Variants in GRIK1 observed in about 807,000 individuals in gnomAD.
GRIK1 encodes glutamate ionotropic receptor kainate type subunit 1.
Under a neutral mutation model 105.7 loss-of-function variants are expected in GRIK1, and 69 were observed. The ratio of observed to expected loss-of-function variants is 0.65; its 90% CI spans 0.54 to 0.80. The LOEUF (loss-of-function observed/expected upper bound fraction) is 0.80, where lower values mean the gene tolerates loss of function less well. GRIK1 is among the 30% of genes least tolerant of loss of function. GRIK1 has a pLI of 0.00. For missense variants in GRIK1, 1,109 were observed against 1,167.3 expected, an observed-to-expected ratio of 0.95 and a Z score of 0.73; for synonymous variants, 438 against 431.3, an observed-to-expected ratio of 1.02 and a Z score of -0.19.
intron 7 of GRIK1, among the ~76,000 whole-genome samples, chr21:29,630,271 G>A (rs1208165514): frequency 6.6e-6 from 1 of 152,198 alleles, no homozygotes; most frequent in African/African-American, 2.4e-5. Context: ...GTGGTAGGCA[G>A]AATTCTGAGA....
chr21:29,749,723 G>T (rs577645764), intron 1 of GRIK1, among the ~76,000 whole-genome samples: 78 of 152,286 alleles, frequency 5.1e-4, no homozygotes, highest in African/African-American at 1.9e-3. Flanking sequence ...ATATATGGGG[G>T]TGGGAAGGAT....
intron 16 of GRIK1, among the ~76,000 whole-genome samples, chr21:29,548,119 A>G (rs2090075489): frequency 6.6e-6 from 1 of 152,222 alleles, no homozygotes; most frequent in Admixed American, 6.5e-5. Flanking sequence ...CAGTAACTTT[A>G]TTCCATCATC....
At chr21:29,916,400 T>A (rs1377052780) in intron 1 of GRIK1, among the ~76,000 whole-genome samples, 1 of 151,940 alleles carries the variant, frequency 6.6e-6, no homozygotes, top group African/African-American at 2.4e-5. Context: ...AAAAAAAATT[T>A]AAGAAGCAGC....
intron 1 of GRIK1, among the ~76,000 whole-genome samples, chr21:29,927,092 C>T (rs2071394197): frequency 6.6e-6 from 1 of 152,106 alleles, no homozygotes; most frequent in East Asian, 1.9e-4. Context: ...TCTGTGTGGG[C>T]CTGATGCCTC....
At chr21:29,833,452 G>A (rs2067697787) in intron 1 of GRIK1, among the ~76,000 whole-genome samples, 1 of 152,110 alleles carries the variant, frequency 6.6e-6, no homozygotes, top group Non-Finnish European at 1.5e-5. Flanking sequence ...AAGAAAAGAG[G>A]TTTAACTGAC....
rs549530974 is a variant in GRIK1 at position 29,788,954 on chromosome 21, C to T, written c.119-94891G>A. ...AGTTTCACTCACTCACTCACGGCTC[C>T]CCTGCTGGTGTGTGGCCCAGTTCCT... On this transcript the variant is annotated intron_variant, in intron 1 of 17. Coordinates refer to ENST00000327783, the MANE Select transcript of GRIK1 (RefSeq NM_001330994.2). Among the ~76,000 whole-genome samples, 6 of 152,292 alleles carry T rather than the reference C, an allele frequency of 3.9e-5. No homozygotes were observed. The South Asian group carries it at 6.2e-4, about 16-fold the overall frequency.
intron 1 of GRIK1, among the ~76,000 whole-genome samples, chr21:29,703,594 AT>A (rs1291349199): frequency 6.6e-6 from 1 of 152,178 alleles, no homozygotes; most frequent in African/African-American, 2.4e-5. Flanking sequence ...CAGCTTTCGT[AT>A]TTTTGTTTTA....
intron 15 of GRIK1, among the ~76,000 whole-genome samples, chr21:29,560,492 TTTCTTTCCTTCCTTCCTTCC>T (rs1363809489): frequency 2.0e-4 from 9 of 45,980 alleles, no homozygotes; most frequent in South Asian, 8.6e-4. Flanking sequence ...CCTTTCTTTC[TTTCTTTCCTTCCTTCCTTCC>T]TTCCTTCCTT....
chr21:29,891,956 G>C (rs1331361522), intron 1 of GRIK1, among the ~76,000 whole-genome samples: 1 of 152,178 alleles, frequency 6.6e-6, no homozygotes, highest in African/African-American at 2.4e-5. Flanking sequence ...CATATCGTAG[G>C]TACTCAATCT....
chr21:29,831,083 A>C (rs145063861), intron 1 of GRIK1, among the ~76,000 whole-genome samples: 1 of 152,252 alleles, frequency 6.6e-6, no homozygotes, highest in Non-Finnish European at 1.5e-5. Flanking sequence ...TTCTATTACT[A>C]CCATTTATTA....
At chr21:29,914,396 G>A (rs547617923) in intron 1 of GRIK1, among the ~76,000 whole-genome samples, 1 of 152,050 alleles carries the variant, frequency 6.6e-6, no homozygotes, top group East Asian at 1.9e-4. Context: ...GGCACATGAA[G>A]AGAAATTCTT....
chr21:29,754,931 C>A (rs564109480), intron 1 of GRIK1, among the ~76,000 whole-genome samples: 3 of 152,254 alleles, frequency 2.0e-5, no homozygotes, highest in African/African-American at 7.2e-5. Context: ...TAGGCCAATT[C>A]TTTGTACTCT....
At chr21:29,591,715 G>A (rs1340263851) in intron 9 of GRIK1, among the ~76,000 whole-genome samples, 1 of 152,006 alleles carries the variant, frequency 6.6e-6, no homozygotes. Context: ...GAATAATGGG[G>A]TGAAGGGGCA....
At chr21:29,710,669 A>G (rs1271692875) in intron 1 of GRIK1, among the ~76,000 whole-genome samples, 1 of 152,092 alleles carries the variant, frequency 6.6e-6, no homozygotes, top group Non-Finnish European at 1.5e-5. Flanking sequence ...ACTTATTTAA[A>G]TCATATTATA....
rs568867095 is a variant in GRIK1 at position 29,702,492 on chromosome 21, A to T, written c.119-8429T>A. Among the ~76,000 whole-genome samples, 3 of 151,880 alleles carry T rather than the reference A, an allele frequency of 2.0e-5. No homozygotes were observed. The South Asian group carries it at 6.3e-4, about 32-fold the overall frequency. The stretch of plus-strand genomic sequence containing the variant: ...GTAGATTTAAAGAGGCAGATGGGTC[A>T]CTTGAGGTCAGGAGTTTGAGACCAG... On this transcript the variant is annotated intron_variant, in intron 1 of 17. Transcript: ENST00000327783.
At chr21:29,722,555 C>CA (rs2064349231) in intron 1 of GRIK1, among the ~76,000 whole-genome samples, 2 of 116,660 alleles carry the variant, frequency 1.7e-5, no homozygotes, top group African/African-American at 6.5e-5. Flanking sequence ...GACTCTGTCT[C>CA]AAAAAAAAGT....
At chr21:29,669,289 T>C (rs981954893) in intron 4 of GRIK1, among the ~76,000 whole-genome samples, 1 of 152,112 alleles carries the variant, frequency 6.6e-6, no homozygotes, top group East Asian at 1.9e-4. Context: ...TGAAGAATCA[T>C]TAAAAGGTGA....
In GRIK1 at chr21:29,782,455, C is replaced by T. The variant is rs76867891; in HGVS notation, c.119-88392G>A. Among the ~76,000 whole-genome samples the T allele has an allele frequency of 6.4e-4, 97 of 152,172 alleles. 2 individuals carry two copies. The East Asian group carries it at 0.01, about 16-fold the overall frequency. ...GAGAAAGTTTATATTTAACTAAGTG[C>T]GCCAAACACTTCACAGATTCTTGAT... On this transcript the variant is annotated intron_variant, in intron 1 of 17. Coordinates refer to ENST00000327783, the MANE Select transcript of GRIK1 (RefSeq NM_001330994.2).
chr21:29,620,378 A>G (rs941734350), intron 7 of GRIK1, among the ~76,000 whole-genome samples: 2 of 152,222 alleles, frequency 1.3e-5, no homozygotes, highest in African/African-American at 4.8e-5. Flanking sequence ...AGGGCATCTC[A>G]TGTGAAAGGT....
Sources: allele counts gnomAD v4.1 joint callset (sites outside exome capture counted in the v4.1 genomes callset), GRCh38; gene constraint gnomAD v4.1.1; transcripts MANE v1.5; gene names NCBI Gene and HGNC (gene_info 2026-07-23, HGNC 2026-07-21).